The following TPP2 variants were observed in gnomAD, a reference collection of about 807,000 sequenced individuals.
TPP2 encodes the protein tripeptidyl-peptidase 2.
In TPP2, 34 loss-of-function variants were observed where a neutral mutation model predicts 155.9. The observed-to-expected ratio is 0.22, with a 90% CI of 0.17 to 0.29. TPP2 has a LOEUF of 0.29. Among genes scored for constraint, TPP2 ranks in the 10% least tolerant of loss-of-function variants. The pLI, the probability that TPP2 is intolerant of heterozygous loss-of-function variation, is 1.00. For synonymous variants in TPP2, 510 were observed against 529.4 expected, an observed-to-expected ratio of 0.96 and a Z score of 0.50; for missense variants, 1,028 against 1,522.3, an observed-to-expected ratio of 0.68 and a Z score of 5.40.
intron 25 of TPP2, among the ~76,000 whole-genome samples, chr13:102,661,547 C>T (rs1302980990): frequency 6.6e-6 from 1 of 152,034 alleles, no homozygotes; most frequent in Non-Finnish European, 1.5e-5. Flanking sequence ...CACCCAGCCC[C>T]CAGAATATAT....
intron 21 of TPP2, among the ~76,000 whole-genome samples, chr13:102,647,817 T>A (rs1883227343): frequency 6.6e-6 from 1 of 152,232 alleles, no homozygotes; most frequent in African/African-American, 2.4e-5. Context: ...ACTTACTACA[T>A]ACCAGGCACT....
intron 5 of TPP2, among the ~76,000 whole-genome samples, chr13:102,619,677 A>C (rs556842362): frequency 1.4e-4 from 21 of 151,682 alleles, no homozygotes; most frequent in Non-Finnish European, 2.8e-4. Flanking sequence ...GGTGTATGCA[A>C]TGTTAAGTTG....
chr13:102,634,029 A>G lies in TPP2; in HGVS notation c.1324A>G (p.Thr442Ala), dbSNP rs1027448682. The G allele has an allele frequency of 6.2e-7, 1 of 1,614,076 alleles. No homozygotes were observed. Among genetic ancestry groups the G allele is most frequent in the Non-Finnish European group, 8.5e-7 (1 of 1,179,984 alleles). ...ASVPNWTLRG[T>A]QLMNGTSMSS... ...TGTTCCTAACTGGACACTGAGAGGG[A>G]CGCAGCTGATGAATGGAACATCTAT... The change falls in exon 11 of 30, where the codon ACG (threonine) becomes GCG (alanine). Residue 442 changes from threonine to alanine, a missense_variant. Thr to Ala is a moderately conservative substitution (Grantham distance 58). Around this residue, in one of 7 missense-constraint regions of TPP2, gnomAD observed 63 missense variants for 165.7 expected, o/e 0.38. Transcript: ENST00000376052.
chr13:102,630,085 C>A lies in TPP2; in HGVS notation c.1145-11C>A. On this transcript the variant is annotated splice_polypyrimidine_tract_variant and intron_variant, in intron 9 of 29. Transcript: ENST00000376052. ...TGTTTTCTTTTCTTAATGATTAAAT[C>A]CATCCCACAGGTGTTGGTGCTTATG... The A allele has an allele frequency of 6.2e-7, 1 of 1,608,630 alleles. No homozygotes were observed.
chr13:102,635,972 G>A (rs914422335), intron 12 of TPP2, among the ~76,000 whole-genome samples: 5 of 152,114 alleles, frequency 3.3e-5, no homozygotes, highest in African/African-American at 9.7e-5. Flanking sequence ...CAATCATAAC[G>A]GCATAGGGAT....
At chr13:102,626,358 A>G in intron 6 of TPP2, among the ~76,000 whole-genome samples, 1 of 152,166 alleles carries the variant, frequency 6.6e-6, no homozygotes, top group East Asian at 1.9e-4. Flanking sequence ...ATTGCTGTAT[A>G]ATTGTCAGTT....
At chr13:102,613,834 A>G (rs1880500439) in intron 2 of TPP2, among the ~76,000 whole-genome samples, 1 of 152,230 alleles carries the variant, frequency 6.6e-6, no homozygotes, top group South Asian at 2.1e-4. Flanking sequence ...GTTTATTGAG[A>G]TAGTGTATGT....
At chr13:102,637,883 C>A (rs1882489513) in intron 14 of TPP2, among the ~76,000 whole-genome samples, 3 of 152,156 alleles carry the variant, frequency 2.0e-5, no homozygotes, top group Admixed American at 6.6e-5. Flanking sequence ...ATGAAGAAAG[C>A]ATCTGTTAAA....
intron 18 of TPP2, 61 bp from the exon 19 acceptor site, chr13:102,644,848 G>C: frequency 6.4e-7 from 1 of 1,567,884 alleles, no homozygotes; most frequent in African/African-American, 1.4e-5. Flanking sequence ...TTTATTTTAG[G>C]TACAAAATAT....
chr13:102,637,377 GTTC>G, intron 14 of TPP2, 138 bp downstream of exon 14: 1 of 893,870 alleles, frequency 1.1e-6, no homozygotes, highest in Non-Finnish European at 1.6e-6. Context: ...AGGTTATTCA[GTTC>G]TTCTGGTGTG....
In TPP2 at chr13:102,628,374, C is replaced by T. The variant is rs1473481111; in HGVS notation, c.1016+450C>T. ...AGTTCCACAAGCACTCTGAAGCCAT[C>T]CTCAGTTGTATATACATACCCGACA... On this transcript the variant is annotated intron_variant, in intron 8 of 29. Transcript: ENST00000376052. Among the ~76,000 whole-genome samples, 9 of 152,290 alleles carry T rather than the reference C, an allele frequency of 5.9e-5. No individual in the cohort carries two copies. The East Asian group carries it at 1.7e-3, about 29-fold the overall frequency.
intron 2 of TPP2, among the ~76,000 whole-genome samples, chr13:102,609,765 AC>A (rs1880134225): frequency 6.6e-6 from 1 of 151,794 alleles, no homozygotes; most frequent in Admixed American, 6.6e-5. Context: ...GGGGAAATCC[AC>A]CCCCATGATC....
chr13:102,670,991 C>A (rs1270944059), intron 27 of TPP2, among the ~76,000 whole-genome samples: 1 of 152,182 alleles, frequency 6.6e-6, no homozygotes, highest in Non-Finnish European at 1.5e-5. Flanking sequence ...AATGAATAAT[C>A]TTGCAATTAG....
intron 1 of TPP2, among the ~76,000 whole-genome samples, chr13:102,598,291 C>T (rs2139394644): frequency 6.6e-6 from 1 of 152,288 alleles, no homozygotes; most frequent in South Asian, 2.1e-4. Flanking sequence ...CTCCTTTCTA[C>T]ACTAAACACT....
chr13:102,649,950 G>A (rs1193739286), intron 23 of TPP2, among the ~76,000 whole-genome samples: 1 of 152,026 alleles, frequency 6.6e-6, no homozygotes, highest in Non-Finnish European at 1.5e-5. Context: ...CCTAAAACAT[G>A]TTTCTTCACA....
At chr13:102,651,539 C>A in intron 24 of TPP2, 142 bp downstream of exon 24, 2 of 804,098 alleles carry the variant, frequency 2.5e-6, no homozygotes, top group African/African-American at 3.5e-5. Flanking sequence ...GTGCTCTTAG[C>A]TGTACTTAGA....
intron 16 of TPP2, among the ~76,000 whole-genome samples, chr13:102,642,937 A>G (rs112664899): frequency 1.3e-5 from 2 of 152,354 alleles, no homozygotes; most frequent in South Asian, 2.1e-4. Flanking sequence ...GTATGCATCT[A>G]TGGACAGCTT....
chr13:102,598,673 A>C lies in TPP2; in HGVS notation c.165+1470A>C, dbSNP rs189254183. 1.4e-3 allele frequency among the ~76,000 whole-genome samples: 210 copies of C among 152,320 alleles called. 3 individuals carry two copies. Among genetic ancestry groups the C allele is most frequent in the Non-Finnish European group, 1.2e-4 (8 of 68,010 alleles). ...TTTATAGGATGAGTGGGAGGAAAAC[A>C]GCTGGGATAAGTGGTTCACCGGTTC... On this transcript the variant is annotated intron_variant, in intron 1 of 29. Transcript: ENST00000376052.
At chr13:102,647,612 G>A (rs769322540) in intron 21 of TPP2, among the ~76,000 whole-genome samples, 35 of 152,140 alleles carry the variant, frequency 2.3e-4, no homozygotes, top group African/African-American at 8.0e-4. Flanking sequence ...TTGGTGTGTG[G>A]TGTTTCTCCT....
Sources: gnomAD v4.1 joint callset for allele counts (sites outside exome capture counted in the v4.1 genomes callset) on GRCh38, gnomAD v4.1.1 for gene constraint, gnomAD v4.1.1 regional missense constraint, MANE v1.5 for transcripts, NCBI Gene and HGNC (gene_info 2026-07-23, HGNC 2026-07-21) for gene names.